The following MAGI2 variants were observed in gnomAD, a reference collection of about 807,000 sequenced individuals.
The protein encoded by MAGI2 is membrane associated guanylate kinase, WW and PDZ domain containing 2, also known as membrane-associated guanylate kinase, WW and PDZ domain-containing protein 2.
A neutral mutation model predicts 133.3 loss-of-function variants in MAGI2; 35 were observed. That is an observed-to-expected ratio of 0.26 (90% CI 0.20 to 0.35). The LOEUF (loss-of-function observed/expected upper bound fraction) is 0.35. Ranked by LOEUF, MAGI2 falls within the 10% of genes least tolerant of loss-of-function variation. The pLI is 1.00. For synonymous variants in MAGI2, 729 were observed against 710.6 expected (o/e 1.03, Z -0.41); for missense variants, 1,636 against 1,863.4 (o/e 0.88, Z 2.25).
chr7:78,539,537 A>C (rs916028227), intron 3 of MAGI2, among the ~76,000 whole-genome samples: 2 of 151,734 alleles, frequency 1.3e-5, no homozygotes, highest in African/African-American at 4.8e-5. Context: ...AATGCTATGA[A>C]CTTTCCTCTA....
intron 4 of MAGI2, among the ~76,000 whole-genome samples, chr7:78,502,841 G>C (rs1794741650): frequency 6.6e-6 from 1 of 152,106 alleles, no homozygotes; most frequent in Non-Finnish European, 1.5e-5. Flanking sequence ...AGAATGAGAA[G>C]AAGGAACGCA....
At chr7:79,223,006 T>A (rs1054122712) in intron 1 of MAGI2, among the ~76,000 whole-genome samples, 1 of 151,992 alleles carries the variant, frequency 6.6e-6, no homozygotes, top group African/African-American at 2.4e-5. Context: ...TGCCTCTGCC[T>A]CCCGAGTAGC....
At chr7:78,448,117 G>A (rs1244413784) in intron 6 of MAGI2, among the ~76,000 whole-genome samples, 1 of 151,958 alleles carries the variant, frequency 6.6e-6, no homozygotes. Flanking sequence ...TTTTATGACT[G>A]AATAGATTCC....
intron 1 of MAGI2, among the ~76,000 whole-genome samples, chr7:79,126,811 T>C (rs1820448603): frequency 6.6e-6 from 1 of 151,856 alleles, no homozygotes; most frequent in Non-Finnish European, 1.5e-5. Context: ...TTTATTATTA[T>C]TATTATACTT....
At chr7:78,683,422 TAAG>T (rs1327252528) in intron 2 of MAGI2, among the ~76,000 whole-genome samples, 2 of 152,042 alleles carry the variant, frequency 1.3e-5, no homozygotes, top group African/African-American at 2.4e-5. Context: ...TATGAACAAA[TAAG>T]AAGTGGCAGA....
At chr7:78,474,093 T>C (rs2150434114) in intron 6 of MAGI2, among the ~76,000 whole-genome samples, 1 of 152,164 alleles carries the variant, frequency 6.6e-6, no homozygotes, top group South Asian at 2.1e-4. Flanking sequence ...TTTTAGGCTT[T>C]ACAGTTTACA....
At chr7:78,148,263 T>C (rs1584143799) in intron 16 of MAGI2, among the ~76,000 whole-genome samples, 2 of 152,254 alleles carry the variant, frequency 1.3e-5, no homozygotes, top group South Asian at 4.1e-4. Flanking sequence ...CTAAAATGCA[T>C]TATGCTTAGT....
Position 79,131,382 on chromosome 7 carries a change from A to G in MAGI2, c.302-124176T>C, listed in dbSNP as rs1005441716. 3.3e-5 allele frequency among the ~76,000 whole-genome samples: 5 copies of G among 152,208 alleles called. No homozygotes were observed. The South Asian group carries it at 1.0e-3, about 31-fold the overall frequency. ...AGGAGTAGGTAGGAAGCTGTGAATA[A>G]TGGCACACAAACCTTCTCCACTTTT... On this transcript the variant is annotated intron_variant, in intron 1 of 21. Coordinates refer to ENST00000354212, the MANE Select transcript of MAGI2 (RefSeq NM_012301.4).
At position 78,343,865 on chromosome 7, in the gene MAGI2, T is replaced by C; in HGVS notation, c.1321A>G (p.Ile441Val). 2 of 1,613,542 alleles carry C rather than the reference T, an allele frequency of 1.2e-6. No individual in the cohort carries two copies. The highest frequency in any genetic ancestry group is 1.1e-5 in the South Asian group (1 of 90,942). ...AACTCATCAGGCTCGTCTCCACCAA[T>C]GATGGTAAATCCAAAGCCCATGTTG... ...KSNMGFGFTI[I>V]GGDEPDEFLQ... The change falls in exon 9 of 22, where the codon ATT becomes GTT. Residue 441 changes from isoleucine (I) to valine (V), a missense_variant. Physicochemically the swap from Ile to Val is conservative, Grantham distance 29 (BLOSUM62 3). This residue lies in a region of MAGI2 where 920 missense variants were observed against 1,093.5 expected (regional missense o/e 0.84). Transcript: ENST00000354212.
At chr7:79,420,095 GC>G (rs1237787271) in intron 1 of MAGI2, among the ~76,000 whole-genome samples, 2 of 152,038 alleles carry the variant, frequency 1.3e-5, no homozygotes, top group Admixed American at 1.3e-4. Context: ...ATTTTAGATA[GC>G]CTGGATCTTT....
At chr7:79,356,822 G>A (rs1585688646) in intron 1 of MAGI2, among the ~76,000 whole-genome samples, 1 of 152,202 alleles carries the variant, frequency 6.6e-6, no homozygotes, top group Non-Finnish European at 1.5e-5. Flanking sequence ...TCACTGTGGG[G>A]TTTTGTCATC....
intron 2 of MAGI2, among the ~76,000 whole-genome samples, chr7:78,978,217 A>G (rs968216728): frequency 2.0e-5 from 3 of 151,844 alleles, no homozygotes; most frequent in Non-Finnish European, 4.4e-5. Context: ...AAATTTGCAT[A>G]CGATTGTTTA....
chr7:78,958,794 G>T (rs1024193533), intron 2 of MAGI2, among the ~76,000 whole-genome samples: 2 of 152,104 alleles, frequency 1.3e-5, no homozygotes, highest in African/African-American at 4.8e-5. Flanking sequence ...CCACCGCAAA[G>T]CATGTGATAT....
At chr7:78,177,424 A>G (rs953294369) in intron 14 of MAGI2, among the ~76,000 whole-genome samples, 8 of 150,146 alleles carry the variant, frequency 5.3e-5, no homozygotes, top group African/African-American at 1.7e-4. Context: ...ACGCGCACAC[A>G]CACACACACA....
chr7:79,099,642 A>C (rs1157962231), intron 1 of MAGI2, among the ~76,000 whole-genome samples: 1 of 151,960 alleles, frequency 6.6e-6, no homozygotes, highest in Non-Finnish European at 1.5e-5. Flanking sequence ...TTCACCCTTA[A>C]GTAGGTCCCA....
Position 78,413,218 on chromosome 7 carries a change from C to T in MAGI2, c.1046-44005G>A, listed in dbSNP as rs535600036. 9.2e-5 allele frequency among the ~76,000 whole-genome samples: 14 copies of T among 152,194 alleles called. No homozygotes were observed. In the South Asian group the frequency reaches 2.5e-3, roughly 27 times the overall value. On this transcript the variant is annotated intron_variant, in intron 6 of 21. Coordinates refer to ENST00000354212, the MANE Select transcript of MAGI2 (RefSeq NM_012301.4). Reference sequence around the variant, plus strand: ...GGTTTTGCACTTAGACATTTTAGGACTCTGATCTGTGTAAAGACCAATTTA... The same window carrying T: ...GGTTTTGCACTTAGACATTTTAGGATTCTGATCTGTGTAAAGACCAATTTA...
chr7:78,596,913 T>C (rs1167634823), intron 3 of MAGI2, among the ~76,000 whole-genome samples: 1 of 152,102 alleles, frequency 6.6e-6, no homozygotes, highest in African/African-American at 2.4e-5. Context: ...GGAGCATAAA[T>C]TAGCCCCAGG....
At chr7:78,710,981 T>A (rs1819126373) in intron 2 of MAGI2, among the ~76,000 whole-genome samples, 1 of 152,158 alleles carries the variant, frequency 6.6e-6, no homozygotes, top group African/African-American at 2.4e-5. Flanking sequence ...GAGTATATAA[T>A]TAATCTGGCA....
At position 78,021,438 on chromosome 7, in the gene MAGI2, C is replaced by T. The variant is rs945054428; in HGVS notation, c.3707-1462G>A. Among the ~76,000 whole-genome samples the T allele has an allele frequency of 5.9e-5, 9 of 152,198 alleles. No homozygotes were observed. The East Asian group carries it at 9.6e-4, about 16-fold the overall frequency. On this transcript the variant is annotated intron_variant, in intron 21 of 21. Transcript: ENST00000354212. ...GTGATTCAAGCTCTTGCCTCTGTAA[C>T]GTGTCAGAGGCTGTCAGTGATACTT...
Sources: gnomAD v4.1 joint callset for allele counts (sites outside exome capture counted in the v4.1 genomes callset) on GRCh38, gnomAD v4.1.1 for gene constraint, gnomAD v4.1.1 regional missense constraint, MANE v1.5 for transcripts, NCBI Gene and HGNC (gene_info 2026-07-23, HGNC 2026-07-21) for gene names.